The following AHCTF1 variants were observed in gnomAD, a reference collection of about 807,000 sequenced individuals.
The protein encoded by AHCTF1 is AT-hook containing transcription factor 1, also known as protein ELYS.
AHCTF1 carries 24 observed loss-of-function variants against 248.4 expected under a neutral mutation model. The observed-to-expected ratio is 0.10, with a 90% CI of 0.07 to 0.14. The LOEUF is 0.14. Among genes scored for constraint, AHCTF1 ranks in the 10% least tolerant of loss-of-function variants. AHCTF1 has a pLI of 1.00. For synonymous variants in AHCTF1, 786 were observed against 929.8 expected (o/e 0.85, Z 2.81); for missense variants, 2,206 against 2,636.2 (o/e 0.84, Z 3.57).
At chr1:246,869,104 A>G (rs1260882896) in intron 24 of AHCTF1, among the ~76,000 whole-genome samples, 1 of 150,986 alleles carries the variant, frequency 6.6e-6, no homozygotes, top group African/African-American at 2.5e-5. Flanking sequence ...TTGGCCTCCC[A>G]AAGTGCTGGA....
chr1:246,920,939 A>C (rs1413373890), intron 1 of AHCTF1, among the ~76,000 whole-genome samples: 1 of 151,678 alleles, frequency 6.6e-6, no homozygotes, highest in African/African-American at 2.4e-5. Flanking sequence ...TACCAAAAAA[A>C]AAATCAGCTG....
In AHCTF1 at chr1:246,867,280, C is replaced by T. The variant is rs1262918653; in HGVS notation, c.3311G>A (p.Gly1104Glu). 1 of 1,601,666 alleles carries T rather than the reference C, an allele frequency of 6.2e-7. No homozygotes were observed. The highest frequency in any genetic ancestry group is 8.5e-7 in the Non-Finnish European group (1 of 1,173,930). ...PAPELPEAFF[G>E]TPISKASQKI... ...TTGTGATGCTTTTGAAATTGGTGTT[C>T]CAAAAAATGCCTCAGGCAGCTCTGG... The change falls in exon 26 of 36, where the codon GGA becomes GAA. Residue 1104 changes from glycine (G) to glutamate (E), a missense_variant. Transcript: ENST00000648844.
At chr1:246,868,674 T>C (rs1662227411) in intron 24 of AHCTF1, among the ~76,000 whole-genome samples, 1 of 151,622 alleles carries the variant, frequency 6.6e-6, no homozygotes, top group Non-Finnish European at 1.5e-5. Flanking sequence ...TGCCTTCAAC[T>C]GAAATAGGAG....
chr1:246,847,614 C>T (rs1392140012), intron 33 of AHCTF1, among the ~76,000 whole-genome samples: 1 of 152,196 alleles, frequency 6.6e-6, no homozygotes, highest in Non-Finnish European at 1.5e-5. Flanking sequence ...ATCCTCCTGC[C>T]TCAGCCTCCC....
chr1:246,891,207 T>C (rs1469893263), intron 15 of AHCTF1, 147 bp from the exon 16 acceptor site: 1 of 492,488 alleles, frequency 2.0e-6, no homozygotes, highest in African/African-American at 2.0e-5. Flanking sequence ...GTATCTCTCT[T>C]GAACTAATTC....
In AHCTF1 at chr1:246,867,901, C is replaced by CCCACA. The variant is rs1168192322; in HGVS notation, c.3089-91_3089-90insTGTGG. ...TGAAAGAATGATTACACCCCCCCCC[C>CCCACA]CACACACACACACACACACATTACG... On this transcript the variant is annotated intron_variant, in intron 24 of 35. Coordinates refer to ENST00000648844, the MANE Select transcript of AHCTF1 (RefSeq NM_001323342.2). 1.4e-4 allele frequency: 44 copies of CCCACA among 313,824 alleles called. No individual in the cohort carries two copies. The African/African-American group carries it at 1.7e-3, about 12-fold the overall frequency. The allele number at this position is 313,824 out of a possible 1,614,324, so 19.4% of individuals were successfully genotyped here.
Position 246,900,111 on chromosome 1 carries a change from T to A in AHCTF1, c.1386A>T (p.Ser462=). The change falls in exon 10 of 36, where the codon TCA becomes TCT. Residue 462 remains serine, a synonymous_variant. Transcript: ENST00000648844. ...TAAAAAACTGCTCGGGAGGTGGATATGAAGGAGGGACTCCTCTATTTAAAC... is the reference window on the plus strand; with the variant it reads ...TAAAAAACTGCTCGGGAGGTGGATAAGAAGGAGGGACTCCTCTATTTAAAC... The part of the protein sequence containing the change: ...ERSLNRGVPP[S]YPPPEQFFNP... 6.2e-7 allele frequency: 1 copy of A among 1,607,636 alleles called. No individual in the cohort carries two copies. Among genetic ancestry groups the A allele is most frequent in the Non-Finnish European group, 8.5e-7 (1 of 1,178,932 alleles).
In AHCTF1 at chr1:246,899,519, A is replaced by C. The variant is rs1291522755; in HGVS notation, c.1433-7T>G. 3 of 1,604,370 alleles carry C rather than the reference A, an allele frequency of 1.9e-6. No individual in the cohort carries two copies. The Admixed American group carries it at 5.1e-5, about 27-fold the overall frequency. ...TTTAACAAACAAGTGGCATCTAAAAAAAAGATTTAAAAAATAATCCACTTA... is the reference window on the plus strand; with the variant it reads ...TTTAACAAACAAGTGGCATCTAAAACAAAGATTTAAAAAATAATCCACTTA... On this transcript the variant is annotated splice_polypyrimidine_tract_variant and splice_region_variant and intron_variant, in intron 10 of 35. Coordinates refer to ENST00000648844, the MANE Select transcript of AHCTF1 (RefSeq NM_001323342.2).
chr1:246,895,733 TTCAATTATA>T, intron 13 of AHCTF1, 93 bp downstream of exon 13: 1 of 981,566 alleles, frequency 1.0e-6, no homozygotes, highest in Non-Finnish European at 1.5e-6. Context: ...CATGTGGATC[TTCAATTATA>T]TCAAAATTAA....
At chr1:246,849,557 A>G in intron 33 of AHCTF1, 58 bp downstream of exon 33, 1 of 1,527,434 alleles carries the variant, frequency 6.5e-7, no homozygotes, top group East Asian at 2.3e-5. Flanking sequence ...CAAATAACCA[A>G]ATTTTAAGCT....
At chr1:246,857,196 A>G (rs1341006173) in intron 30 of AHCTF1, among the ~76,000 whole-genome samples, 1 of 152,196 alleles carries the variant, frequency 6.6e-6, no homozygotes, top group Non-Finnish European at 1.5e-5. Flanking sequence ...AATCTGCTTG[A>G]CCATACTTTG....
intron 6 of AHCTF1, among the ~76,000 whole-genome samples, chr1:246,904,930 T>C (rs910767585): frequency 3.0e-4 from 46 of 152,166 alleles, no homozygotes; most frequent in African/African-American, 1.1e-3. Context: ...CCAAGTATAT[T>C]TGAAGAATAA....
intron 31 of AHCTF1, among the ~76,000 whole-genome samples, chr1:246,854,393 G>A (rs1660953588): frequency 6.6e-6 from 1 of 151,578 alleles, no homozygotes; most frequent in Admixed American, 6.6e-5. Flanking sequence ...AGAATGTAAT[G>A]TGCACAAGAA....
chr1:246,875,571 G>A (rs112684992), intron 24 of AHCTF1, among the ~76,000 whole-genome samples: 111 of 152,318 alleles, frequency 7.3e-4, no homozygotes, highest in African/African-American at 2.5e-3. Flanking sequence ...GTGGAAGGAA[G>A]AGTAAATTGA....
Position 246,895,871 on chromosome 1 carries a change from G to A in AHCTF1, c.1678C>T (p.Leu560Phe). 1 of 1,613,278 alleles carries A rather than the reference G, an allele frequency of 6.2e-7. No individual in the cohort carries two copies. The highest frequency in any genetic ancestry group is 8.5e-7 in the Non-Finnish European group (1 of 1,179,556). Residue 560 changes from leucine to phenylalanine, a missense_variant, in exon 13 of 36, where the codon CTT (leucine) becomes TTT (phenylalanine). This residue lies in a region of AHCTF1 where 650 missense variants were observed against 870.8 expected (regional missense o/e 0.75). Coordinates refer to ENST00000648844, the MANE Select transcript of AHCTF1 (RefSeq NM_001323342.2). ...SAAIQTSSLG[L>F]LTGYIRRWIT... ...CATCTTCGGATATAACCAGTCAAAA[G>A]TCCCAGGGAACTAGTCTGAATTGCT...
intron 31 of AHCTF1, among the ~76,000 whole-genome samples, chr1:246,854,431 C>T (rs1454591264): frequency 6.6e-6 from 1 of 152,016 alleles, no homozygotes; most frequent in Non-Finnish European, 1.5e-5. Context: ...GCAAAACAAA[C>T]CCCAAAATGG....
At chr1:246,872,487 C>T (rs549004631) in intron 24 of AHCTF1, among the ~76,000 whole-genome samples, 2 of 152,318 alleles carry the variant, frequency 1.3e-5, no homozygotes, top group African/African-American at 2.4e-5. Context: ...TTCTGGCTTA[C>T]TCCAACCAAT....
At chr1:246,845,292 G>T (rs1321476435) in intron 33 of AHCTF1, among the ~76,000 whole-genome samples, 1 of 150,260 alleles carries the variant, frequency 6.7e-6, no homozygotes, top group East Asian at 1.9e-4. Flanking sequence ...TTTTCTGTGG[G>T]TACACAGTAG....
intron 7 of AHCTF1, among the ~76,000 whole-genome samples, chr1:246,903,592 G>A (rs1665155994): frequency 6.6e-6 from 1 of 151,538 alleles, no homozygotes; most frequent in Admixed American, 6.6e-5. Flanking sequence ...CACTTTGGGA[G>A]TTCGAGGTGG....
Sources: allele counts gnomAD v4.1 joint callset (sites outside exome capture counted in the v4.1 genomes callset), GRCh38; gene constraint gnomAD v4.1.1; regional missense constraint gnomAD v4.1.1; transcripts MANE v1.5; gene names NCBI Gene and HGNC (gene_info 2026-07-23, HGNC 2026-07-21).